The following SDK1 variants were observed in gnomAD, a reference collection of about 807,000 sequenced individuals.
SDK1 encodes protein sidekick-1.
In SDK1, 157 loss-of-function variants were observed where a neutral mutation model predicts 245.5. That is an observed-to-expected ratio of 0.64 (90% CI 0.56 to 0.73). The LOEUF (loss-of-function observed/expected upper bound fraction) is 0.73, where lower values mean the gene tolerates loss of function less well. SDK1 is among the 30% of genes least tolerant of loss of function. The pLI, the probability that SDK1 is intolerant of heterozygous loss-of-function variation, is 0.00. For synonymous variants in SDK1, 1,647 were observed against 1,278.5 expected, an observed-to-expected ratio of 1.29 and a Z score of -6.15; for missense variants, 3,583 against 3,002.3, an observed-to-expected ratio of 1.19 and a Z score of -4.52.
At chr7:4,159,236 T>C (rs1310478533) in intron 31 of SDK1, among the ~76,000 whole-genome samples, 4 of 152,188 alleles carry the variant, frequency 2.6e-5, no homozygotes, top group Non-Finnish European at 5.9e-5. Flanking sequence ...AGTGGAAGAA[T>C]TTTCCAATAA....
At chr7:3,778,970 G>A (rs1562436904) in intron 4 of SDK1, among the ~76,000 whole-genome samples, 2 of 152,144 alleles carry the variant, frequency 1.3e-5, no homozygotes, top group African/African-American at 4.8e-5. Flanking sequence ...CACTTAATAG[G>A]ATTTGAGATT....
chr7:4,211,133 C>A (rs986968497), intron 38 of SDK1, among the ~76,000 whole-genome samples: 1 of 152,152 alleles, frequency 6.6e-6, no homozygotes, highest in African/African-American at 2.4e-5. Context: ...ACCAGGATCC[C>A]TCGGGCCCAA....
chr7:3,816,894 C>T (rs751426902), intron 4 of SDK1, among the ~76,000 whole-genome samples: 8 of 152,102 alleles, frequency 5.3e-5, no homozygotes, highest in South Asian at 2.1e-4. Flanking sequence ...TAATATTCTG[C>T]ATCTTCCTGC....
At position 4,160,983 on chromosome 7, in the gene SDK1, G is replaced by A. The variant is rs145105296; in HGVS notation, c.4730-803G>A. Among the ~76,000 whole-genome samples the A allele has an allele frequency of 1.1e-4, 16 of 152,312 alleles. No individual in the cohort carries two copies. In the East Asian group the frequency reaches 1.7e-3, roughly 17 times the overall value. On this transcript the variant is annotated intron_variant, in intron 31 of 44. Coordinates refer to ENST00000404826, the MANE Select transcript of SDK1 (RefSeq NM_152744.4). The stretch of plus-strand genomic sequence containing the variant: ...CAAGTGTGCCTGTGGGAAGAACATC[G>A]TCATTCCGTTCAGTGAATATGGACT...
chr7:3,378,312 G>T (rs1313930256), intron 1 of SDK1, among the ~76,000 whole-genome samples: 2 of 152,154 alleles, frequency 1.3e-5, no homozygotes, highest in Admixed American at 6.5e-5. Flanking sequence ...TGTCTTGCAG[G>T]ATTCTTTAAT....
intron 1 of SDK1, 54 bp from the exon 2 acceptor site, chr7:3,619,026 T>C (rs1260774052): frequency 2.2e-5 from 29 of 1,339,832 alleles, no homozygotes; most frequent in Middle Eastern, 1.9e-4. Flanking sequence ...ATTAGATGAG[T>C]GCCACTTTCA....
chr7:3,342,878 G>A (rs1780385449), intron 1 of SDK1, among the ~76,000 whole-genome samples: 1 of 151,832 alleles, frequency 6.6e-6, no homozygotes, highest in Middle Eastern at 3.2e-3. Context: ...GACATCAACA[G>A]ACTTTTCACC....
Position 3,860,703 on chromosome 7 carries a change from T to C in SDK1, c.847+39120T>C, listed in dbSNP as rs574424685. ...GTAGCAGTCATCTCCTCCTCTCCCC[T>C]TGGAGGCCTGTATTCATCTCTTGAA... On this transcript the variant is annotated intron_variant, in intron 5 of 44. Transcript: ENST00000404826. Among the ~76,000 whole-genome samples, 12 of 152,308 alleles carry C rather than the reference T, an allele frequency of 7.9e-5. No individual in the cohort carries two copies. In the South Asian group the frequency reaches 2.5e-3, roughly 32 times the overall value.
At chr7:4,135,623 C>G (rs915461615) in intron 28 of SDK1, among the ~76,000 whole-genome samples, 3 of 152,210 alleles carry the variant, frequency 2.0e-5, no homozygotes, top group African/African-American at 7.2e-5. Context: ...TCAGCCTATG[C>G]TTATTAGCTG....
At chr7:3,403,875 T>C (rs896019769) in intron 1 of SDK1, among the ~76,000 whole-genome samples, 7 of 130,202 alleles carry the variant, frequency 5.4e-5, no homozygotes, top group Non-Finnish European at 1.1e-4. Context: ...ATATAATATA[T>C]ATATTTATTT....
At chr7:3,707,192 G>A (rs1334314339) in intron 4 of SDK1, among the ~76,000 whole-genome samples, 2 of 152,132 alleles carry the variant, frequency 1.3e-5, no homozygotes, top group Non-Finnish European at 2.9e-5. Flanking sequence ...GGCACTTTAT[G>A]CTATAAACTT....
At chr7:4,022,376 T>G (rs1055409179) in intron 17 of SDK1, among the ~76,000 whole-genome samples, 1 of 152,194 alleles carries the variant, frequency 6.6e-6, no homozygotes, top group African/African-American at 2.4e-5. Flanking sequence ...TAATTCATCT[T>G]GACTTTAATA....
At chr7:3,887,695 A>G (rs993845812) in intron 5 of SDK1, among the ~76,000 whole-genome samples, 1 of 152,194 alleles carries the variant, frequency 6.6e-6, no homozygotes, top group Non-Finnish European at 1.5e-5. Flanking sequence ...TCTATGTTCT[A>G]CATCATATGA....
At chr7:3,625,638 C>G (rs369597282) in intron 2 of SDK1, among the ~76,000 whole-genome samples, 3 of 152,196 alleles carry the variant, frequency 2.0e-5, no homozygotes, top group Non-Finnish European at 4.4e-5. Flanking sequence ...CTCAGAAGTG[C>G]CCACTCTAAT....
At chr7:3,521,554 T>G (rs1782941518) in intron 1 of SDK1, among the ~76,000 whole-genome samples, 1 of 152,116 alleles carries the variant, frequency 6.6e-6, no homozygotes, top group Admixed American at 6.6e-5. Flanking sequence ...CTTATGTTAG[T>G]GTTTTAGGAG....
intron 1 of SDK1, among the ~76,000 whole-genome samples, chr7:3,583,780 GCCA>G (rs895836806): frequency 6.6e-6 from 1 of 151,748 alleles, no homozygotes; most frequent in African/African-American, 2.4e-5. Flanking sequence ...TCCTGTGAAT[GCCA>G]CCGAGAGGGC....
chr7:3,994,144 C>A (rs1402201678), intron 14 of SDK1, among the ~76,000 whole-genome samples: 1 of 152,184 alleles, frequency 6.6e-6, no homozygotes, highest in South Asian at 2.1e-4. Context: ...CTAGGGATCT[C>A]ATGTTAGTCC....
intron 1 of SDK1, among the ~76,000 whole-genome samples, chr7:3,601,655 A>G (rs923380404): frequency 6.6e-6 from 1 of 151,610 alleles, no homozygotes; most frequent in African/African-American, 2.4e-5. Context: ...CAGCTTTCTT[A>G]TCAATTTATT....
intron 1 of SDK1, among the ~76,000 whole-genome samples, chr7:3,540,067 T>C (rs532922679): frequency 2.6e-5 from 4 of 152,344 alleles, no homozygotes; most frequent in African/African-American, 9.6e-5. Context: ...CATATGTGGA[T>C]CACATTTGAT....
Sources: gnomAD v4.1 joint callset for allele counts (sites outside exome capture counted in the v4.1 genomes callset) on GRCh38, gnomAD v4.1.1 for gene constraint, MANE v1.5 for transcripts, NCBI Gene and HGNC (gene_info 2026-07-23, HGNC 2026-07-21) for gene names.